Variants in ASTN2 observed in about 807,000 individuals in gnomAD.
The protein encoded by ASTN2 is astrotactin-2.
A neutral mutation model predicts 139.8 loss-of-function variants in ASTN2; 54 were observed. That is an observed-to-expected ratio of 0.39 (90% CI 0.31 to 0.48). ASTN2 has a LOEUF of 0.48. ASTN2 is among the 20% of genes least tolerant of loss of function. ASTN2 has a pLI of 0.95. For missense variants in ASTN2, 1,565 were observed against 1,725.1 expected (o/e 0.91, Z 1.64); for synonymous variants, 756 against 719.5 (o/e 1.05, Z -0.81).
At chr9:116,979,129 A>C (rs950489301) in intron 7 of ASTN2, among the ~76,000 whole-genome samples, 1 of 152,212 alleles carries the variant, frequency 6.6e-6, no homozygotes, top group African/African-American at 2.4e-5. Flanking sequence ...ACTGCTGCTT[A>C]ATCTTTGTAT....
chr9:117,034,740 G>A (rs947464582), intron 6 of ASTN2, among the ~76,000 whole-genome samples: 1 of 152,072 alleles, frequency 6.6e-6, no homozygotes, highest in Non-Finnish European at 1.5e-5. Context: ...GTTCACAGCT[G>A]GATAAACAAC....
chr9:117,091,374 A>G (rs929537826), intron 5 of ASTN2, among the ~76,000 whole-genome samples: 6 of 152,200 alleles, frequency 3.9e-5, no homozygotes, highest in African/African-American at 9.7e-5. Flanking sequence ...CAATGTGTCT[A>G]TGCTCGTGAA....
At chr9:116,585,978 A>G (rs1023613653) in intron 19 of ASTN2, 1 of 152,178 alleles carries the variant, frequency 6.6e-6, no homozygotes, top group Non-Finnish European at 1.5e-5. Context: ...CAATAAAAAA[A>G]TGGGCAAAAG....
chr9:117,127,585 C>T (rs1316960736), intron 4 of ASTN2, among the ~76,000 whole-genome samples: 1 of 150,890 alleles, frequency 6.6e-6, no homozygotes, highest in Non-Finnish European at 1.5e-5. Context: ...AATTATTGCA[C>T]AGCCAGCTAA....
intron 10 of ASTN2, among the ~76,000 whole-genome samples, chr9:116,910,225 A>G (rs1834273644): frequency 6.6e-6 from 1 of 152,236 alleles, no homozygotes; most frequent in East Asian, 1.9e-4. Context: ...ATTTAGTACA[A>G]GAAGAGAAAT....
chr9:117,298,363 T>C (rs562158787), intron 1 of ASTN2, among the ~76,000 whole-genome samples: 42 of 152,308 alleles, frequency 2.8e-4, no homozygotes, highest in Middle Eastern at 3.4e-3. Flanking sequence ...CTGCATAAGA[T>C]CACAGGGTCT....
chr9:116,928,434 C>T (rs1661863129), intron 10 of ASTN2, among the ~76,000 whole-genome samples: 1 of 152,058 alleles, frequency 6.6e-6, no homozygotes, highest in South Asian at 2.1e-4. Context: ...AGTCATACAC[C>T]CCTGAGCTCA....
intron 6 of ASTN2, among the ~76,000 whole-genome samples, chr9:117,029,654 C>A (rs1271039075): frequency 6.6e-6 from 1 of 150,942 alleles, no homozygotes; most frequent in Admixed American, 6.6e-5. Flanking sequence ...GTATGGTATG[C>A]AAACGTTTGT....
chr9:116,553,782 T>C (rs1852464686), intron 19 of ASTN2, among the ~76,000 whole-genome samples: 1 of 152,194 alleles, frequency 6.6e-6, no homozygotes, highest in Non-Finnish European at 1.5e-5. Flanking sequence ...TTCCCTCTCT[T>C]AGACAGTCTG....
chr9:117,224,969 C>A (rs1014054756), intron 2 of ASTN2, among the ~76,000 whole-genome samples: 7 of 152,136 alleles, frequency 4.6e-5, no homozygotes, highest in Non-Finnish European at 1.0e-4. Flanking sequence ...TGAGGGTGTT[C>A]TTAATCATCT....
intron 12 of ASTN2, among the ~76,000 whole-genome samples, chr9:116,812,928 CCT>C (rs1036856614): frequency 1.3e-5 from 2 of 152,198 alleles, no homozygotes; most frequent in East Asian, 1.9e-4. Context: ...AAAATGATCC[CCT>C]GAGTTTTGAA....
intron 7 of ASTN2, among the ~76,000 whole-genome samples, chr9:116,986,168 C>T (rs946775483): frequency 7.3e-6 from 1 of 137,374 alleles, no homozygotes; most frequent in South Asian, 2.6e-4. Flanking sequence ...CTGCCCCCCC[C>T]CACCCCCCTG....
intron 6 of ASTN2, among the ~76,000 whole-genome samples, chr9:117,021,579 C>A (rs1837881714): frequency 6.6e-6 from 1 of 152,128 alleles, no homozygotes; most frequent in South Asian, 2.1e-4. Flanking sequence ...ATGAGGAAGT[C>A]TTTCTGTTTT....
At chr9:116,625,336 A>T (rs540236740) in intron 17 of ASTN2, among the ~76,000 whole-genome samples, 138 of 152,282 alleles carry the variant, frequency 9.1e-4, no homozygotes, top group Admixed American at 2.0e-3. Context: ...CGGGAGGCTG[A>T]GGAAGGAGAA....
intron 1 of ASTN2, among the ~76,000 whole-genome samples, chr9:117,311,262 G>A (rs918548130): frequency 6.7e-6 from 1 of 148,780 alleles, no homozygotes; most frequent in Non-Finnish European, 1.5e-5. Flanking sequence ...TTTACGAGAA[G>A]ACATGAGGAA....
At chr9:117,264,452 C>A (rs1347222092) in intron 2 of ASTN2, among the ~76,000 whole-genome samples, 1 of 152,162 alleles carries the variant, frequency 6.6e-6, no homozygotes, top group Non-Finnish European at 1.5e-5. Context: ...CTTCCTCATA[C>A]CACTGTTATA....
At chr9:117,052,530 T>A (rs59121431) in intron 5 of ASTN2, among the ~76,000 whole-genome samples, 81 of 152,002 alleles carry the variant, frequency 5.3e-4, no homozygotes, top group African/African-American at 1.8e-3. Context: ...TTCATCGTCA[T>A]CATCATCAAC....
intron 1 of ASTN2, among the ~76,000 whole-genome samples, chr9:117,377,695 CT>C (rs1396543711): frequency 1.6e-5 from 2 of 125,920 alleles, no homozygotes; most frequent in Non-Finnish European, 3.4e-5. Context: ...CTGTAGCATA[CT>C]TTTAATAACA....
chr9:116,645,509 C>T (rs1857545575), intron 17 of ASTN2, among the ~76,000 whole-genome samples: 1 of 152,120 alleles, frequency 6.6e-6, no homozygotes. Context: ...GTCCAATGGT[C>T]CCCAAGGCCA....
Sources: allele counts gnomAD v4.1 joint callset (sites outside exome capture counted in the v4.1 genomes callset), GRCh38; gene constraint gnomAD v4.1.1; transcripts MANE v1.5; gene names NCBI Gene and HGNC (gene_info 2026-07-23, HGNC 2026-07-21).